Variants in ZNF778 observed in about 807,000 individuals in gnomAD.
ZNF778 encodes zinc finger protein 778.
Under a neutral mutation model 23.9 loss-of-function variants are expected in ZNF778, and 37 were observed. That is an observed-to-expected ratio of 1.54 (90% CI 1.19 to 2.03). The LOEUF (loss-of-function observed/expected upper bound fraction) is 2.03, where lower values mean the gene tolerates loss of function less well. Among genes scored for constraint, ZNF778 ranks in the 30% most tolerant of loss-of-function variants. ZNF778 has a pLI of 0.00. For synonymous variants in ZNF778, 483 were observed against 343.9 expected, an observed-to-expected ratio of 1.40 and a Z score of -4.48; for missense variants, 1,297 against 934.4, an observed-to-expected ratio of 1.39 and a Z score of -5.06.
chr16:89,218,218 A>C (rs939371271), intron 1 of ZNF778: 16 of 152,148 alleles, frequency 1.1e-4, no homozygotes, highest in Admixed American at 8.5e-4. Flanking sequence ...GACTAACTGT[A>C]TTTTTTCTCA....
In ZNF778 at chr16:89,227,881, G is replaced by C; in HGVS notation, c.1593G>C (p.Lys531Asn). The C allele has an allele frequency of 6.2e-7, 1 of 1,613,996 alleles. No homozygotes were observed. Among genetic ancestry groups the C allele is most frequent in the Non-Finnish European group, 8.5e-7 (1 of 1,179,988 alleles). ...TKHMRTHTGE[K>N]PYECKDCGKA... The stretch of plus-strand genomic sequence containing the variant: ...ACATGCGGACACACACCGGGGAGAA[G>C]CCCTATGAATGTAAGGACTGTGGGA... Residue 531 changes from lysine to asparagine, a missense_variant, in exon 7 of 7, where the codon AAG (lysine) becomes AAC (asparagine). Physicochemically the swap from Lys to Asn is moderately conservative, Grantham distance 94 (BLOSUM62 0). Transcript: ENST00000433976.
At chr16:89,224,224 C>T (rs577046981) in intron 4 of ZNF778, among the ~76,000 whole-genome samples, 1 of 149,548 alleles carries the variant, frequency 6.7e-6, no homozygotes, top group African/African-American at 2.5e-5. Flanking sequence ...GTGGTGGCCA[C>T]GCCTGTAATC....
chr16:89,223,763 G>A lies in ZNF778; in HGVS notation c.244+480G>A, dbSNP rs190717837. 3.8e-3 allele frequency among the ~76,000 whole-genome samples: 573 copies of A among 152,328 alleles called. 2 individuals carry two copies. Among genetic ancestry groups the A allele is most frequent in the Middle Eastern group, 0.01 (3 of 294 alleles). ...AGTTTCTTTGGGGCGCAGAAGGATG[G>A]AGTATTTGCACTTTGAGCCCTTTTG... On this transcript the variant is annotated intron_variant, in intron 4 of 6. Transcript: ENST00000433976.
chr16:89,222,848 G>A (rs777865138), intron 3 of ZNF778, among the ~76,000 whole-genome samples: 3 of 152,216 alleles, frequency 2.0e-5, no homozygotes, highest in Non-Finnish European at 4.4e-5. Context: ...CCCAGTGAGC[G>A]TGGTGAGAGA....
rs1456520433 is a variant in ZNF778 at position 89,221,142 on chromosome 16, C to A, written c.15C>A (p.Asp5Glu). MAAPDLAHGGHVSRD... is the reference protein window; with the variant it reads MAAPELAHGGHVSRD... Reference sequence around the variant, plus strand: ...AGCCTCCCAGGATGGCAGCCCCTGACCTGGCCCACGGTAAGTCCTGGTGGG... The same window carrying A: ...AGCCTCCCAGGATGGCAGCCCCTGAACTGGCCCACGGTAAGTCCTGGTGGG... Residue 5 changes from aspartate (D) to glutamate (E), a missense_variant, in exon 2 of 7, where the codon GAC becomes GAA. Transcript: ENST00000433976. 1.3e-6 allele frequency: 2 copies of A among 1,566,352 alleles called. No individual in the cohort carries two copies. Among genetic ancestry groups the A allele is most frequent in the Admixed American group, 1.9e-5 (1 of 53,144 alleles).
At position 89,236,963 on chromosome 16, in the gene ZNF778, C is replaced by T. The variant is rs1325105740; in HGVS notation, c.*8401C>T. On this transcript the variant is annotated 3_prime_UTR_variant, in exon 7 of 7. Coordinates refer to ENST00000433976, the MANE Select transcript of ZNF778 (RefSeq NM_001201407.2). ...TTGGGGGCACCTGTAATCTCAGCTT[C>T]TCAGGAGGCTGAGGCAGGAGAATCA... 6 of 152,050 alleles carry T rather than the reference C, an allele frequency of 3.9e-5. No homozygotes were observed. Among genetic ancestry groups the T allele is most frequent in the Non-Finnish European group, 7.3e-5 (5 of 68,048 alleles). The allele number at this position is 152,050 out of a possible 1,614,324, so 9.4% of individuals were successfully genotyped here.
In ZNF778 at chr16:89,222,200, T is replaced by G; in HGVS notation, c.117+17T>G. ...TGTTACCAGGTATGCCAAAACTGTA[T>G]TTTTTCTTAAAATAACATACTGGTA... On this transcript the variant is annotated intron_variant, in intron 3 of 6. Transcript: ENST00000433976. 6.3e-7 allele frequency: 1 copy of G among 1,582,212 alleles called. No individual in the cohort carries two copies. Among genetic ancestry groups the G allele is most frequent in the Non-Finnish European group, 8.6e-7 (1 of 1,159,126 alleles).
At position 89,228,979 on chromosome 16, in the gene ZNF778, G is replaced by T; in HGVS notation, c.*417G>T. The T allele has an allele frequency of 1.0e-6, 1 of 996,718 alleles. No homozygotes were observed. The allele number at this position is 996,718 out of a possible 1,614,324, so 61.7% of individuals were successfully genotyped here. A position where few individuals can be genotyped will look rare whatever the true frequency, so the allele number is the denominator to read the frequency against. ...ACACTTGAAGTGTTGTGAATGTATG[G>T]AAGATAGCAGTCGCTTCCCTGTGTT... On this transcript the variant is annotated 3_prime_UTR_variant, in exon 7 of 7. Transcript: ENST00000433976.
At chr16:89,223,387 A>G in intron 4 of ZNF778, 104 bp downstream of exon 4, 1 of 1,507,670 alleles carries the variant, frequency 6.6e-7, no homozygotes, top group Non-Finnish European at 9.1e-7. Context: ...CACGGGAAGT[A>G]AGAGATATAA....
chr16:89,232,828 T>C lies in ZNF778; in HGVS notation c.*4266T>C, dbSNP rs1297282066. 1 of 1,289,172 alleles carries C rather than the reference T, an allele frequency of 7.8e-7. No individual in the cohort carries two copies. 79.9% of individuals were successfully genotyped at this position (1,289,172 alleles called of 1,614,324 possible). On this transcript the variant is annotated 3_prime_UTR_variant, in exon 7 of 7. Transcript: ENST00000433976. ...TGCATATGCAACTCAACTCACACCG[T>C]ATATGCAACTCAACTCACACCGTGT...
At chr16:89,218,844 A>T (rs1388439264) in intron 1 of ZNF778, among the ~76,000 whole-genome samples, 1 of 151,356 alleles carries the variant, frequency 6.6e-6, no homozygotes, top group Non-Finnish European at 1.5e-5. Context: ...ACAGTGGCTC[A>T]CGCCTGTAAT....
chr16:89,228,396 G>A lies in ZNF778; in HGVS notation c.2108G>A (p.Cys703Tyr), dbSNP rs373873619. Residue 703 changes from cysteine to tyrosine, a missense_variant, in exon 7 of 7, where the codon TGT becomes TAT. Cys to Tyr is a radical substitution (Grantham distance 194). Coordinates refer to ENST00000433976, the MANE Select transcript of ZNF778 (RefSeq NM_001201407.2). Reference sequence around the variant, plus strand: ...CACACTGGGCAGAAACCCTATAAATGTAAGGAATGTGGGAAAGCATACAAT... The same window carrying A: ...CACACTGGGCAGAAACCCTATAAATATAAGGAATGTGGGAAAGCATACAAT... ...RIHTGQKPYK[C>Y]KECGKAYNRF... 2.5e-6 allele frequency: 4 copies of A among 1,613,756 alleles called. No individual in the cohort carries two copies. In the African/African-American group the frequency reaches 4.0e-5, roughly 16 times the overall value.
rs1253069943 is a variant in ZNF778 at position 89,229,269 on chromosome 16, C to G, written c.*707C>G. 1 of 985,380 alleles carries G rather than the reference C, an allele frequency of 1.0e-6. No homozygotes were observed. Among genetic ancestry groups the G allele is most frequent in the African/African-American group, 1.8e-5 (1 of 57,118 alleles). The allele number at this position is 985,380 out of a possible 1,614,324, so 61.0% of individuals were successfully genotyped here. A position where few individuals can be genotyped will look rare whatever the true frequency, so the allele number is the denominator to read the frequency against. On this transcript the variant is annotated 3_prime_UTR_variant, in exon 7 of 7. Transcript: ENST00000433976. ...TGTGATTCTTTGAGCAGCGTAGGCT[C>G]TGGTTGGTTAGTCTTGAGGATCCAG...
chr16:89,220,625 T>G (rs2030838508), intron 1 of ZNF778, among the ~76,000 whole-genome samples: 1 of 152,152 alleles, frequency 6.6e-6, no homozygotes, highest in Non-Finnish European at 1.5e-5. Context: ...GCCACTACAC[T>G]CCAGCCTGGG....
rs1567516569 is a variant in ZNF778 at position 89,233,709 on chromosome 16, T to A, written c.*5147T>A. On this transcript the variant is annotated 3_prime_UTR_variant, in exon 7 of 7. Coordinates refer to ENST00000433976, the MANE Select transcript of ZNF778 (RefSeq NM_001201407.2). ...CAACTTACTGCATATGCAACTCAAC[T>A]CACTGCGTATGCAACTCAACTCGCA... The A allele has an allele frequency of 3.2e-6, 4 of 1,234,022 alleles. No individual in the cohort carries two copies. The highest frequency in any genetic ancestry group is 4.2e-6 in the Non-Finnish European group (4 of 958,558). The allele number at this position is 1,234,022 out of a possible 1,614,324, so 76.4% of individuals were successfully genotyped here.
In ZNF778 at chr16:89,227,338, A is replaced by G. The variant is rs751609173; in HGVS notation, c.1050A>G (p.Ser350=). The change falls in exon 7 of 7, where the codon TCA becomes TCG. Residue 350 remains serine (S), a synonymous_variant. Coordinates refer to ENST00000433976, the MANE Select transcript of ZNF778 (RefSeq NM_001201407.2). The stretch of plus-strand genomic sequence containing the variant: ...GCGGAAAAGCCTTCACTGGACTCTC[A>G]GGTCTTTCTAAACACGTCCAAACAG... ...KECGKAFTGL[S]GLSKHVQTDP... The G allele has an allele frequency of 3.1e-6, 5 of 1,613,906 alleles. No individual in the cohort carries two copies. The highest frequency in any genetic ancestry group is 3.3e-5 in the Admixed American group (2 of 60,006).
rs769959029 is a variant in ZNF778 at position 89,227,950 on chromosome 16, TCA to T, written c.1667_1668del (p.Thr556ArgfsTer22). On this transcript the variant is annotated frameshift_variant, in exon 7 of 7. Transcript: ENST00000433976. LOFTEE classifies it low-confidence loss of function (END_TRUNC). The stretch of plus-strand genomic sequence containing the variant: ...ATCTACTGAATGAGCATGTGAAAAC[TCA>T]CACAGAGGAGAAGCCCTTTATATGT... ...VYLLNEHVKT[H>X]TEEKPFICTV... 1.3e-6 allele frequency: 2 copies of T among 1,589,904 alleles called. No homozygotes were observed. The highest frequency in any genetic ancestry group is 2.3e-5 in the East Asian group (1 of 43,492).
chr16:89,223,112 G>T, intron 3 of ZNF778, 45 bp from the exon 4 acceptor site: 2 of 1,596,770 alleles, frequency 1.3e-6, no homozygotes, highest in Non-Finnish European at 1.7e-6. Context: ...AGTGAATACC[G>T]ATGGACACGT....
Position 89,217,763 on chromosome 16 carries a change from G to T in ZNF778, c.-279G>T, listed in dbSNP as rs1373134036. On this transcript the variant is annotated 5_prime_UTR_variant, in exon 1 of 7. Transcript: ENST00000433976. ...GTGCTGGCGCCGGAGAGTTCCGCGC[G>T]TGTCCTCGGGCTGTCCGCGGGGAAG... 6.6e-6 allele frequency: 1 copy of T among 152,208 alleles called. No individual in the cohort carries two copies. The highest frequency in any genetic ancestry group is 1.5e-5 in the Non-Finnish European group (1 of 68,040). 9.4% of individuals were successfully genotyped at this position (152,208 alleles called of 1,614,324 possible). A position where few individuals can be genotyped will look rare whatever the true frequency, so the allele number is the denominator to read the frequency against.
Sources: allele counts gnomAD v4.1 joint callset (sites outside exome capture counted in the v4.1 genomes callset), GRCh38; gene constraint gnomAD v4.1.1; transcripts MANE v1.5; gene names NCBI Gene and HGNC (gene_info 2026-07-23, HGNC 2026-07-21).